ROCK2: variants seen among roughly 807,000 people sequenced by gnomAD.
ROCK2 encodes Rho associated coiled-coil containing protein kinase 2, also known as rho-associated protein kinase 2.
Under a neutral mutation model 195.1 loss-of-function variants are expected in ROCK2, and 61 were observed. That is an observed-to-expected ratio of 0.31 (90% CI 0.25 to 0.39). The LOEUF is 0.39. ROCK2 is among the 10% of genes least tolerant of loss of function. The probability of loss-of-function intolerance (pLI) is 1.00; values close to 1 mark genes in which losing one functional copy is unlikely to be tolerated. For missense variants in ROCK2, 1,109 were observed against 1,637.4 expected (o/e 0.68, Z 5.57); for synonymous variants, 504 against 545.5 (o/e 0.92, Z 1.06).
At chr2:11,288,458 G>A (rs927162226) in intron 1 of ROCK2, among the ~76,000 whole-genome samples, 4 of 152,124 alleles carry the variant, frequency 2.6e-5, no homozygotes, top group Non-Finnish European at 4.4e-5. Context: ...CTCTGTGGAA[G>A]GTAGGAGGAA....
chr2:11,333,646 G>T (rs767995200), intron 1 of ROCK2, among the ~76,000 whole-genome samples: 17 of 152,128 alleles, frequency 1.1e-4, no homozygotes, highest in Non-Finnish European at 2.1e-4. Flanking sequence ...TGACACACTT[G>T]ATTCCTGTCA....
chr2:11,191,331 A>C (rs1432545250), intron 32 of ROCK2, among the ~76,000 whole-genome samples: 2 of 152,202 alleles, frequency 1.3e-5, no homozygotes, highest in Non-Finnish European at 2.9e-5. Flanking sequence ...TGGCTCCATC[A>C]AAATGTTTTT....
chr2:11,217,763 C>G, intron 11 of ROCK2: 1 of 153,206 alleles, frequency 6.5e-6, no homozygotes, highest in Non-Finnish European at 1.5e-5. Flanking sequence ...CAAAAATTAC[C>G]GAAACTATTA....
intron 30 of ROCK2, 142 bp downstream of exon 30, chr2:11,193,637 T>C: frequency 2.3e-6 from 1 of 430,938 alleles, no homozygotes; most frequent in Non-Finnish European, 4.2e-6. Context: ...CAAACCATCT[T>C]TAAATAGGAC....
chr2:11,301,754 G>T (rs1382457201), intron 1 of ROCK2, among the ~76,000 whole-genome samples: 4 of 144,878 alleles, frequency 2.8e-5, no homozygotes, highest in Non-Finnish European at 4.5e-5. Context: ...CTCCAGCCTG[G>T]GCAACAAGAG....
chr2:11,246,761 C>T (rs1478035079), intron 4 of ROCK2, among the ~76,000 whole-genome samples: 1 of 151,940 alleles, frequency 6.6e-6, no homozygotes, highest in African/African-American at 2.4e-5. Context: ...ATTTAATAGT[C>T]ATTTAAAAAT....
intron 3 of ROCK2, among the ~76,000 whole-genome samples, chr2:11,257,212 C>T (rs1029569649): frequency 1.3e-5 from 2 of 151,356 alleles, no homozygotes; most frequent in African/African-American, 2.5e-5. Context: ...AGCCTCATGG[C>T]GGAGGAAGAC....
chr2:11,343,967 G>C, intron 1 of ROCK2, 29 bp downstream of exon 1: 1 of 1,582,774 alleles, frequency 6.3e-7, no homozygotes, highest in South Asian at 1.1e-5. Flanking sequence ...GAGCTGCAAC[G>C]AGCAAGCTCC....
chr2:11,299,490 C>T (rs1377843604), intron 1 of ROCK2, among the ~76,000 whole-genome samples: 1 of 151,920 alleles, frequency 6.6e-6, no homozygotes, highest in Non-Finnish European at 1.5e-5. Context: ...TTACTGAGTT[C>T]ATACTATGTG....
intron 1 of ROCK2, among the ~76,000 whole-genome samples, chr2:11,290,260 T>G (rs1490943354): frequency 6.6e-6 from 1 of 152,144 alleles, no homozygotes; most frequent in Admixed American, 6.6e-5. Context: ...AAATAAACTT[T>G]CATAAGTTTT....
intron 16 of ROCK2, 59 bp from the exon 17 acceptor site, chr2:11,214,522 G>C: frequency 1.0e-6 from 1 of 1,000,114 alleles, no homozygotes; most frequent in South Asian, 1.4e-5. Context: ...CATTCAATTA[G>C]GAATAAAAAG....
intron 1 of ROCK2, among the ~76,000 whole-genome samples, chr2:11,294,078 A>T: frequency 6.6e-6 from 1 of 151,808 alleles, no homozygotes; most frequent in East Asian, 1.9e-4. Context: ...AATGGCGTGA[A>T]CCCGGGAGGT....
chr2:11,330,108 A>C (rs1572416008), intron 1 of ROCK2, among the ~76,000 whole-genome samples: 1 of 152,322 alleles, frequency 6.6e-6, no homozygotes, highest in Non-Finnish European at 1.5e-5. Context: ...CTTCCAATAA[A>C]AATGTTTCTA....
intron 4 of ROCK2, among the ~76,000 whole-genome samples, chr2:11,238,304 G>A (rs940912310): frequency 2.0e-5 from 3 of 149,882 alleles, no homozygotes; most frequent in African/African-American, 7.4e-5. Context: ...AATAAATGAA[G>A]AGACCACCTC....
rs1234517810 is a variant in ROCK2, at chr2:11,221,279, T to A, written c.1178A>T (p.Asp393Val). The A allele has an allele frequency of 6.3e-7, 1 of 1,593,456 alleles. No individual in the cohort carries two copies. The highest frequency in any genetic ancestry group is 1.2e-5 in the South Asian group (1 of 85,472). Residue 393 changes from aspartate (D) to valine (V), a missense_variant, in exon 9 of 33, where the codon GAT becomes GTT. Asp to Val is a radical substitution (Grantham distance 152). Around this residue, in one of 6 missense-constraint regions of ROCK2, gnomAD observed 253 missense variants for 455.5 expected, o/e 0.56. Transcript: ENST00000315872. ...NFDDIEDDKG[D>V]VETFPIPKAF... The stretch of plus-strand genomic sequence containing the variant: ...TTTAGGAATTGGGAAGGTTTCTACA[T>A]CTCCTTTGTCATCTTCAATGTCATC...
At chr2:11,206,322 G>A (rs988810120) in intron 20 of ROCK2, among the ~76,000 whole-genome samples, 2 of 151,904 alleles carry the variant, frequency 1.3e-5, no homozygotes, top group African/African-American at 4.8e-5. Flanking sequence ...TATACACTAG[G>A]TATAAACAAA....
Position 11,215,301 on chromosome 2 carries a change from T to A in ROCK2, c.1689+20A>T. 1 of 1,555,868 alleles carries A rather than the reference T, an allele frequency of 6.4e-7. No homozygotes were observed. Among genetic ancestry groups the A allele is most frequent in the Non-Finnish European group, 8.7e-7 (1 of 1,145,652 alleles). On this transcript the variant is annotated intron_variant, in intron 15 of 32. Transcript: ENST00000315872. ...TAAAAATAAAACCCAGTATCTTTAC[T>A]ACAAATTAGATCCACCTACTTGTCT...
intron 3 of ROCK2, among the ~76,000 whole-genome samples, chr2:11,272,683 C>A (rs1357446463): frequency 6.6e-6 from 1 of 151,820 alleles, no homozygotes; most frequent in Non-Finnish European, 1.5e-5. Context: ...AGTTTGAGAC[C>A]AGCCTTGCCA....
At chr2:11,257,432 C>A (rs1666075593) in intron 3 of ROCK2, among the ~76,000 whole-genome samples, 1 of 151,526 alleles carries the variant, frequency 6.6e-6, no homozygotes, top group Admixed American at 6.6e-5. Context: ...TTTGCCACAG[C>A]TTCAGGTTCT....
Sources: gnomAD v4.1 joint callset for allele counts (sites outside exome capture counted in the v4.1 genomes callset) on GRCh38, gnomAD v4.1.1 for gene constraint, gnomAD v4.1.1 regional missense constraint, MANE v1.5 for transcripts, NCBI Gene and HGNC (gene_info 2026-07-23, HGNC 2026-07-21) for gene names.